PIP5K1B: variants seen among roughly 807,000 people sequenced by gnomAD.
PIP5K1B encodes phosphatidylinositol-4-phosphate 5-kinase type 1 beta.
Under a neutral mutation model 67.0 loss-of-function variants are expected in PIP5K1B, and 42 were observed. The ratio of observed to expected loss-of-function variants is 0.63; its 90% CI spans 0.49 to 0.81. The LOEUF is 0.81. Ranked by LOEUF, PIP5K1B falls within the 30% of genes least tolerant of loss-of-function variation. PIP5K1B has a pLI of 0.00. For synonymous variants in PIP5K1B, 214 were observed against 231.4 expected (o/e 0.92, Z 0.68); for missense variants, 459 against 646.3 (o/e 0.71, Z 3.14).
At chr9:68,989,212 G>T (rs984169133) in intron 14 of PIP5K1B, among the ~76,000 whole-genome samples, 3 of 149,116 alleles carry the variant, frequency 2.0e-5, no homozygotes, top group African/African-American at 7.4e-5. Context: ...AGGTAAATAT[G>T]TACAAAGACA....
chr9:68,973,291 A>G (rs534938284), intron 14 of PIP5K1B, among the ~76,000 whole-genome samples: 28 of 152,330 alleles, frequency 1.8e-4, no homozygotes, highest in Admixed American at 4.6e-4. Flanking sequence ...AGAAAAAAAA[A>G]TCTAAGGAGA....
chr9:68,721,120 G>A (rs1441658812), intron 1 of PIP5K1B, among the ~76,000 whole-genome samples: 2 of 152,182 alleles, frequency 1.3e-5, no homozygotes, highest in East Asian at 1.9e-4. Flanking sequence ...CCAGACCATC[G>A]ACATCTTGTC....
intron 1 of PIP5K1B, among the ~76,000 whole-genome samples, chr9:68,729,675 A>G (rs543112206): frequency 3.3e-5 from 5 of 152,268 alleles, no homozygotes; most frequent in Admixed American, 2.0e-4. Context: ...CATGAAAAGG[A>G]CCAACATAGA....
intron 5 of PIP5K1B, among the ~76,000 whole-genome samples, chr9:68,873,806 T>C (rs142880042): frequency 2.2e-4 from 34 of 152,238 alleles, no homozygotes; most frequent in African/African-American, 7.2e-4. Context: ...ACTCAGCTTT[T>C]AAATAACAGA....
chr9:68,852,315 G>A (rs1284378585), intron 4 of PIP5K1B, among the ~76,000 whole-genome samples: 2 of 152,182 alleles, frequency 1.3e-5, no homozygotes, highest in East Asian at 1.9e-4. Context: ...AGTGTCTTGA[G>A]GCAAAATGTA....
At chr9:68,917,821 T>C in intron 9 of PIP5K1B, 62 bp downstream of exon 9, 2 of 1,209,022 alleles carry the variant, frequency 1.7e-6, no homozygotes, top group Non-Finnish European at 2.5e-6. Context: ...ACTGGGTAAT[T>C]ATAGACAGTC....
chr9:68,991,490 C>T lies in PIP5K1B; in HGVS notation c.1620+233C>T, dbSNP rs999018474. Reference sequence around the variant, plus strand: ...GAAATCACCACGTATAACAAGAGAACGAATCCTCTAATGTTGAGGCAAAGT... The same window carrying T: ...GAAATCACCACGTATAACAAGAGAATGAATCCTCTAATGTTGAGGCAAAGT... On this transcript the variant is annotated intron_variant, in intron 15 of 15. Coordinates refer to ENST00000265382, the MANE Select transcript of PIP5K1B (RefSeq NM_003558.4). Among the ~76,000 whole-genome samples, 5 of 152,190 alleles carry T rather than the reference C, an allele frequency of 3.3e-5. No homozygotes were observed. The East Asian group carries it at 7.7e-4, about 23-fold the overall frequency.
intron 15 of PIP5K1B, among the ~76,000 whole-genome samples, chr9:69,004,337 TTGTGTGTGTGTGTG>T (rs56680798): frequency 1.3e-5 from 2 of 148,266 alleles, no homozygotes; most frequent in Non-Finnish European, 3.0e-5. Context: ...GTGTGTGTTT[TTGTGTGTGTGTGTG>T]TGTGTGTGTG....
chr9:68,717,405 A>T (rs2132253231), intron 1 of PIP5K1B, among the ~76,000 whole-genome samples: 1 of 152,302 alleles, frequency 6.6e-6, no homozygotes, highest in South Asian at 2.1e-4. Flanking sequence ...TAAATAAGAG[A>T]AAAATACCAA....
At chr9:68,750,744 G>A (rs1276524829) in intron 2 of PIP5K1B, among the ~76,000 whole-genome samples, 1 of 152,222 alleles carries the variant, frequency 6.6e-6, no homozygotes, top group Non-Finnish European at 1.5e-5. Context: ...TTTAGGTAGT[G>A]ATAAGACTAT....
At chr9:68,748,074 C>T (rs1417712308) in intron 2 of PIP5K1B, among the ~76,000 whole-genome samples, 3 of 152,152 alleles carry the variant, frequency 2.0e-5, no homozygotes, top group African/African-American at 7.2e-5. Context: ...GAGGTAACCC[C>T]TAATCTGCTT....
In PIP5K1B at chr9:68,873,349, G is replaced by A. The variant is rs1481998437; in HGVS notation, c.201-3328G>A. 4.2e-5 allele frequency among the ~76,000 whole-genome samples: 6 copies of A among 143,380 alleles called. No individual in the cohort carries two copies. The South Asian group carries it at 6.7e-4, about 16-fold the overall frequency. 94.1% of individuals were successfully genotyped at this position (143,380 alleles called of 152,430 possible). On this transcript the variant is annotated intron_variant, in intron 5 of 15. Coordinates refer to ENST00000265382, the MANE Select transcript of PIP5K1B (RefSeq NM_003558.4). ...GTTGCCCAGGCTGGAGTGCAGTGGC[G>A]CGACCTCGGCTCACTGCAGCTTCAA... is the stretch of plus-strand genomic sequence containing the variant.
intron 4 of PIP5K1B, among the ~76,000 whole-genome samples, chr9:68,853,735 C>A (rs1822609883): frequency 6.6e-6 from 1 of 152,124 alleles, no homozygotes; most frequent in Non-Finnish European, 1.5e-5. Flanking sequence ...GGAAAAACAA[C>A]AGGAAACTAC....
chr9:68,984,948 C>G (rs969206444), intron 14 of PIP5K1B, among the ~76,000 whole-genome samples: 5 of 152,182 alleles, frequency 3.3e-5, no homozygotes, highest in African/African-American at 9.7e-5. Context: ...GTTTAGGGAC[C>G]ATGTAACCCA....
chr9:68,931,686 G>C (rs1261473544), intron 12 of PIP5K1B, among the ~76,000 whole-genome samples: 3 of 152,192 alleles, frequency 2.0e-5, no homozygotes, highest in Non-Finnish European at 2.9e-5. Context: ...AAAGGCCTAA[G>C]GGCAGAATGA....
intron 5 of PIP5K1B, among the ~76,000 whole-genome samples, chr9:68,874,959 A>G (rs1240858668): frequency 1.3e-5 from 2 of 152,164 alleles, no homozygotes; most frequent in African/African-American, 4.8e-5. Flanking sequence ...AAATTATTAC[A>G]TGCCATATAA....
intron 4 of PIP5K1B, among the ~76,000 whole-genome samples, chr9:68,831,827 C>G (rs1211269225): frequency 6.6e-6 from 1 of 152,110 alleles, no homozygotes; most frequent in East Asian, 1.9e-4. Flanking sequence ...AGGTGCCCAC[C>G]ACCACGCCCA....
intron 2 of PIP5K1B, among the ~76,000 whole-genome samples, chr9:68,765,361 T>C (rs960087473): frequency 1.3e-5 from 2 of 152,036 alleles, no homozygotes; most frequent in African/African-American, 2.4e-5. Context: ...TACTGAAAAT[T>C]TGAGGGTGTA....
intron 12 of PIP5K1B, among the ~76,000 whole-genome samples, chr9:68,933,424 AT>A (rs1327373580): frequency 6.6e-6 from 1 of 152,220 alleles, no homozygotes; most frequent in Admixed American, 6.5e-5. Context: ...AACATAACTT[AT>A]TTTTTAAACA....
Sources: gnomAD v4.1 joint callset for allele counts (sites outside exome capture counted in the v4.1 genomes callset) on GRCh38, gnomAD v4.1.1 for gene constraint, MANE v1.5 for transcripts, NCBI Gene and HGNC (gene_info 2026-07-23, HGNC 2026-07-21) for gene names.